NTRK3: variants seen among roughly 807,000 people sequenced by gnomAD.
NTRK3 encodes the protein neurotrophic receptor tyrosine kinase 3, also known as NT-3 growth factor receptor.
NTRK3 carries 24 observed loss-of-function variants against 91.7 expected under a neutral mutation model. The ratio of observed to expected loss-of-function variants is 0.26; its 90% CI spans 0.19 to 0.37. NTRK3 has a LOEUF of 0.37. NTRK3 is among the 10% of genes least tolerant of loss of function. NTRK3 has a pLI of 1.00. For missense variants in NTRK3, 880 were observed against 1,068.9 expected (o/e 0.82, Z 2.46); for synonymous variants, 483 against 404.0 (o/e 1.20, Z -2.34).
intron 14 of NTRK3, among the ~76,000 whole-genome samples, chr15:88,006,539 G>A (rs1446989728): frequency 6.6e-6 from 1 of 152,196 alleles, no homozygotes; most frequent in East Asian, 1.9e-4. Context: ...TCTATCTGGG[G>A]GCAGCAGCCC....
At chr15:88,030,914 C>A (rs578090088) in intron 14 of NTRK3, among the ~76,000 whole-genome samples, 5 of 152,126 alleles carry the variant, frequency 3.3e-5, no homozygotes, top group Non-Finnish European at 7.4e-5. Context: ...CATTTTTTTA[C>A]ACTTTTGTGC....
intron 5 of NTRK3, among the ~76,000 whole-genome samples, chr15:88,151,510 ATGG>A (rs1597623040): frequency 6.6e-6 from 1 of 152,174 alleles, no homozygotes; most frequent in East Asian, 1.9e-4. Context: ...GACCTTCCTA[ATGG>A]TGGCACCCAA....
exon 19 of NTRK3, chr15:87,876,191 G>A: frequency 4.3e-6 from 1 of 233,766 alleles, no homozygotes; most frequent in Admixed American, 5.6e-5. Flanking sequence ...CAGGATGGAT[G>A]CTGTCAGCTC....
chr15:88,042,281 A>T (rs1426300685), intron 13 of NTRK3, among the ~76,000 whole-genome samples: 2 of 152,218 alleles, frequency 1.3e-5, no homozygotes, highest in African/African-American at 4.8e-5. Context: ...TCAGAGGCAA[A>T]CAAAAGAAAA....
intron 13 of NTRK3, among the ~76,000 whole-genome samples, chr15:88,041,859 T>TCCTCAATG (rs1305698113): frequency 7.1e-6 from 1 of 140,936 alleles, no homozygotes; most frequent in East Asian, 2.3e-4. Flanking sequence ...GGGCTTGTCG[T>TCCTCAATG]CCTCAATGAT....
chr15:87,894,920 C>A (rs1306646253), intron 17 of NTRK3, among the ~76,000 whole-genome samples: 1 of 152,162 alleles, frequency 6.6e-6, no homozygotes, highest in East Asian at 1.9e-4. Flanking sequence ...TTCTCAGCCA[C>A]CTGATCATTT....
chr15:88,028,033 GA>G (rs2078189175), intron 14 of NTRK3, among the ~76,000 whole-genome samples: 2 of 152,182 alleles, frequency 1.3e-5, no homozygotes, highest in Admixed American at 6.5e-5. Context: ...AAGGAAAGGA[GA>G]GGGAGTGAGG....
At chr15:88,095,745 C>T (rs1005756142) in intron 13 of NTRK3, among the ~76,000 whole-genome samples, 3 of 152,092 alleles carry the variant, frequency 2.0e-5, no homozygotes, top group African/African-American at 7.2e-5. Context: ...TGAGGTAGGG[C>T]GTAAAGGTGA....
intron 13 of NTRK3, among the ~76,000 whole-genome samples, chr15:88,095,360 CT>C (rs1256550938): frequency 7.9e-5 from 12 of 152,182 alleles, no homozygotes; most frequent in Admixed American, 1.3e-4. Context: ...TGAGCCAAAG[CT>C]TTCTGAACTG....
At chr15:88,178,883 A>G (rs1408489464) in intron 5 of NTRK3, among the ~76,000 whole-genome samples, 1 of 152,172 alleles carries the variant, frequency 6.6e-6, no homozygotes, top group Non-Finnish European at 1.5e-5. Flanking sequence ...ACGGAACTTT[A>G]AAGATGCCCA....
intron 13 of NTRK3, among the ~76,000 whole-genome samples, chr15:88,104,730 A>G (rs747758135): frequency 2.6e-5 from 4 of 152,190 alleles, no homozygotes. Context: ...GAGCTCAAGG[A>G]AACTATGACT....
chr15:87,941,603 A>G (rs1269290836), intron 14 of NTRK3, among the ~76,000 whole-genome samples: 1 of 152,052 alleles, frequency 6.6e-6, no homozygotes, highest in East Asian at 1.9e-4. Flanking sequence ...TCTGGGGGAA[A>G]CCCCTACTTG....
chr15:88,058,585 C>T (rs1411344500), intron 13 of NTRK3, among the ~76,000 whole-genome samples: 2 of 152,102 alleles, frequency 1.3e-5, no homozygotes, highest in Non-Finnish European at 2.9e-5. Context: ...CCAAAGCACA[C>T]CTAGCACCAC....
chr15:88,160,757 G>A (rs1161989275), intron 5 of NTRK3, among the ~76,000 whole-genome samples: 4 of 152,234 alleles, frequency 2.6e-5, no homozygotes, highest in African/African-American at 9.7e-5. Context: ...CCCCATCCAA[G>A]TGTATGATGG....
chr15:87,885,817 C>A (rs2141517796), intron 17 of NTRK3, 82 bp from the exon 18 acceptor site: 3 of 517,966 alleles, frequency 5.8e-6, no homozygotes, highest in South Asian at 5.8e-5. Context: ...GGAAGGCCTT[C>A]CTAAATAAGA....
exon 18 of NTRK3, chr15:87,880,283 A>C: frequency 6.2e-7 from 1 of 1,614,034 alleles, no homozygotes; most frequent in Non-Finnish European, 8.5e-7. Context: ...CGTGTTTGAG[A>C]GTTGGAACCA....
chr15:87,982,325 G>A (rs538055018), intron 14 of NTRK3, among the ~76,000 whole-genome samples: 295 of 152,332 alleles, frequency 1.9e-3, no homozygotes, highest in Non-Finnish European at 3.3e-3. Context: ...ACTGGGGGAA[G>A]AGCAGGGGAG....
At chr15:87,877,174 G>A (rs2141439699) in intron 18 of NTRK3, 54 bp from the exon 20 acceptor site, 1 of 1,590,606 alleles carries the variant, frequency 6.3e-7, no homozygotes, top group Non-Finnish European at 8.6e-7. Context: ...CCTTGGTCCT[G>A]TGGCTCAGAC....
intron 6 of NTRK3, among the ~76,000 whole-genome samples, chr15:88,143,115 T>C (rs1233230229): frequency 1.3e-5 from 2 of 151,786 alleles, no homozygotes; most frequent in African/African-American, 4.8e-5. Context: ...TCCAGCTACT[T>C]GGGAGGCTGA....
Sources: allele counts gnomAD v4.1 joint callset (sites outside exome capture counted in the v4.1 genomes callset), GRCh38; gene constraint gnomAD v4.1.1; transcripts MANE v1.5; gene names NCBI Gene and HGNC (gene_info 2026-07-23, HGNC 2026-07-21).